Variants in DNM3 observed in about 807,000 individuals in gnomAD.
The protein encoded by DNM3 is dynamin 3.
Under a neutral mutation model 101.6 loss-of-function variants are expected in DNM3, and 47 were observed. The observed-to-expected ratio is 0.46, with a 90% CI of 0.37 to 0.59. The LOEUF is 0.59. DNM3 is among the 20% of genes least tolerant of loss of function. DNM3 has a pLI of 0.00. For synonymous variants in DNM3, 385 were observed against 387.9 expected (o/e 0.99, Z 0.09); for missense variants, 849 against 1,085.7 (o/e 0.78, Z 3.06).
At chr1:172,158,870 G>T (rs1244238798) in intron 14 of DNM3, among the ~76,000 whole-genome samples, 1 of 151,988 alleles carries the variant, frequency 6.6e-6, no homozygotes, top group African/African-American at 2.4e-5. Flanking sequence ...AAGCATTATG[G>T]CTTAATAAAT....
chr1:171,969,901 G>A (rs2043864689), intron 2 of DNM3, among the ~76,000 whole-genome samples: 1 of 152,134 alleles, frequency 6.6e-6, no homozygotes, highest in Non-Finnish European at 1.5e-5. Flanking sequence ...AGAACAGTCA[G>A]GGTTGTTTGG....
intron 1 of DNM3, among the ~76,000 whole-genome samples, chr1:171,914,748 A>T (rs1186715610): frequency 2.6e-5 from 4 of 152,172 alleles, no homozygotes; most frequent in Non-Finnish European, 5.9e-5. Flanking sequence ...TAGATGTAGG[A>T]TTGTTTTCTC....
chr1:172,343,192 G>C (rs1034858637), intron 17 of DNM3, among the ~76,000 whole-genome samples: 3 of 152,138 alleles, frequency 2.0e-5, no homozygotes, highest in Admixed American at 1.3e-4. Flanking sequence ...TCTGGGCAGG[G>C]GGTTGGGGAA....
chr1:171,849,583 G>A (rs964920616), intron 1 of DNM3, among the ~76,000 whole-genome samples: 2 of 152,058 alleles, frequency 1.3e-5, no homozygotes, highest in African/African-American at 4.8e-5. Context: ...TTGTAGATAA[G>A]GCTAATAGAA....
At chr1:172,117,308 G>C (rs1441532160) in intron 13 of DNM3, among the ~76,000 whole-genome samples, 1 of 151,670 alleles carries the variant, frequency 6.6e-6, no homozygotes, top group African/African-American at 2.4e-5. Context: ...CTTATATTTA[G>C]TCTTTGTGAC....
chr1:172,415,795 G>A (rs1024418966), downstream of DNM3, among the ~76,000 whole-genome samples: 2 of 152,072 alleles, frequency 1.3e-5, no homozygotes, highest in African/African-American at 2.4e-5. Flanking sequence ...TTCCCAAAGT[G>A]CTGGGATTAC....
chr1:172,297,117 G>A lies in DNM3; in HGVS notation c.1770-11611G>A, dbSNP rs1306150845. On this transcript the variant is annotated intron_variant, in intron 15 of 20. Transcript: ENST00000627582. ...AAGATCATGCCACTGCACTCCAGCC[G>A]GGGCAACAGAGCAAAACTCCATCTC... Among the ~76,000 whole-genome samples, 4 of 148,940 alleles carry A rather than the reference G, an allele frequency of 2.7e-5. No homozygotes were observed. In the South Asian group the frequency reaches 6.4e-4, roughly 24 times the overall value.
intron 4 of DNM3, among the ~76,000 whole-genome samples, chr1:171,995,485 C>A (rs2045939874): frequency 6.6e-6 from 1 of 151,924 alleles, no homozygotes; most frequent in South Asian, 2.1e-4. Context: ...AGTTCTGAAA[C>A]AGTTGGCTTT....
chr1:172,306,642 A>G lies in DNM3; in HGVS notation c.1770-2086A>G, dbSNP rs539957705. Among the ~76,000 whole-genome samples the G allele has an allele frequency of 6.6e-5, 10 of 152,346 alleles. No individual in the cohort carries two copies. In the East Asian group the frequency reaches 1.9e-3, roughly 29 times the overall value. On this transcript the variant is annotated intron_variant, in intron 15 of 20. Coordinates refer to ENST00000627582, the MANE Select transcript of DNM3 (RefSeq NM_015569.5). ...TGACTTCAAACTATACTACAAGGCT[A>G]CAGTAAGCAAAACAGCATGGTACTG...
chr1:171,849,192 G>A (rs2032604422), intron 1 of DNM3, among the ~76,000 whole-genome samples: 1 of 152,190 alleles, frequency 6.6e-6, no homozygotes, highest in South Asian at 2.1e-4. Flanking sequence ...TCAAAAGTGA[G>A]TATTTGAAGA....
In DNM3 at chr1:172,388,820, G is replaced by T; in HGVS notation, c.2522+11G>T. 6.4e-7 allele frequency: 1 copy of T among 1,558,032 alleles called. No individual in the cohort carries two copies. The highest frequency in any genetic ancestry group is 8.7e-7 in the Non-Finnish European group (1 of 1,149,124). On this transcript the variant is annotated intron_variant, in intron 20 of 20. Coordinates refer to ENST00000627582, the MANE Select transcript of DNM3 (RefSeq NM_015569.5). ...GCCCAGTGTCCCAAGGTAAGGCATG[G>T]AGCAGAAATTGGGGGGGTAGTGCGC...
rs868577249 is a variant in DNM3 at position 171,889,879 on chromosome 1, C to A, written c.162-31869C>A. ...AGTTGGGCTTTAAGTATCTTTATTT[C>A]ACCCATTAATATTTAATACATATAG... is the stretch of plus-strand genomic sequence containing the variant. On this transcript the variant is annotated intron_variant, in intron 1 of 20. Coordinates refer to ENST00000627582, the MANE Select transcript of DNM3 (RefSeq NM_015569.5). 5.9e-5 allele frequency among the ~76,000 whole-genome samples: 9 copies of A among 152,124 alleles called. No individual in the cohort carries two copies. The South Asian group carries it at 8.3e-4, about 14-fold the overall frequency.
chr1:172,178,089 T>A (rs2059217163), intron 14 of DNM3, among the ~76,000 whole-genome samples: 1 of 151,902 alleles, frequency 6.6e-6, no homozygotes, highest in Non-Finnish European at 1.5e-5. Context: ...CCTGTTTCTG[T>A]ACTGGATACT....
rs1472910697 is a variant in DNM3, at chr1:171,944,854, CCTTTTT to C, written c.235+23034_235+23039del. 3.7e-3 allele frequency among the ~76,000 whole-genome samples: 139 copies of C among 37,570 alleles called. 25 individuals are homozygous for C. Among genetic ancestry groups the C allele is most frequent in the African/African-American group, 0.011 (126 of 11,066 alleles). The allele number at this position is 37,570 out of a possible 152,430, so 24.6% of individuals were successfully genotyped here. A position where few individuals can be genotyped will look rare whatever the true frequency, so the allele number is the denominator to read the frequency against. On this transcript the variant is annotated intron_variant, in intron 2 of 20. Coordinates refer to ENST00000627582, the MANE Select transcript of DNM3 (RefSeq NM_015569.5). ...TTTGTTTTCTTTTTTTTTGGTGTTT[CCTTTTT>C]TTTTTTTTTTTTTTTTTTTTTGAGG...
intron 1 of DNM3, among the ~76,000 whole-genome samples, chr1:171,908,363 T>G (rs2039001060): frequency 6.6e-6 from 1 of 152,210 alleles, no homozygotes; most frequent in Non-Finnish European, 1.5e-5. Flanking sequence ...ATGCTCAGAT[T>G]AACAAAAGTA....
chr1:172,325,026 A>G (rs1557998127), intron 17 of DNM3, among the ~76,000 whole-genome samples: 1 of 152,032 alleles, frequency 6.6e-6, no homozygotes, highest in Non-Finnish European at 1.5e-5. Context: ...CATTTGTAAA[A>G]TTCACTCCCC....
chr1:171,930,111 G>A (rs966520999), intron 2 of DNM3, among the ~76,000 whole-genome samples: 2 of 152,014 alleles, frequency 1.3e-5, no homozygotes, highest in African/African-American at 4.8e-5. Context: ...AAGCAACCTG[G>A]CCACGTTTTT....
chr1:171,977,113 TA>T, intron 2 of DNM3, among the ~76,000 whole-genome samples: 1 of 152,334 alleles, frequency 6.6e-6, no homozygotes, highest in East Asian at 1.9e-4. Context: ...CAATTATTCT[TA>T]AAAAACATTG....
chr1:172,202,104 T>C (rs186663498), intron 14 of DNM3, among the ~76,000 whole-genome samples: 6 of 152,268 alleles, frequency 3.9e-5, no homozygotes, highest in African/African-American at 7.2e-5. Flanking sequence ...GATGTTTCAG[T>C]TGAAGTTGTT....
Sources: gnomAD v4.1 joint callset for allele counts (sites outside exome capture counted in the v4.1 genomes callset) on GRCh38, gnomAD v4.1.1 for gene constraint, MANE v1.5 for transcripts, NCBI Gene and HGNC (gene_info 2026-07-23, HGNC 2026-07-21) for gene names.